Variants in CHCHD4 observed in about 807,000 individuals in gnomAD.
The protein encoded by CHCHD4 is coiled-coil-helix-coiled-coil-helix domain containing 4.
A neutral mutation model predicts 12.4 loss-of-function variants in CHCHD4; 7 were observed. The ratio of observed to expected loss-of-function variants is 0.57; its 90% CI spans 0.32 to 1.06. The LOEUF is 1.06. Ranked by LOEUF, CHCHD4 falls within the 50% of genes least tolerant of loss-of-function variation. The pLI is 0.04. For synonymous variants in CHCHD4, 56 were observed against 58.0 expected, an observed-to-expected ratio of 0.97 and a Z score of 0.16; for missense variants, 143 against 175.1, an observed-to-expected ratio of 0.82 and a Z score of 1.03.
At chr3:14,121,784 C>G in intron 1 of CHCHD4, 20 of 1,502,006 alleles carry the variant, frequency 1.3e-5, no homozygotes, top group Non-Finnish European at 1.7e-5. Flanking sequence ...TAAGGACTTT[C>G]ATGTTTAGAA....
intron 1 of CHCHD4, among the ~76,000 whole-genome samples, chr3:14,124,086 G>A (rs906875548): frequency 5.3e-5 from 8 of 152,200 alleles, no homozygotes; most frequent in Non-Finnish European, 7.3e-5. Flanking sequence ...CAACAACAGA[G>A]CCTGACTTAC....
At chr3:14,124,570 C>T in intron 1 of CHCHD4, 85 bp downstream of exon 1, 10 of 1,320,230 alleles carry the variant, frequency 7.6e-6, no homozygotes, top group Non-Finnish European at 9.9e-6. Context: ...GTGGCCCGCG[C>T]CCGGCGTGGT....
At chr3:14,115,647 G>A (rs1472211532) in intron 2 of CHCHD4, among the ~76,000 whole-genome samples, 1 of 152,206 alleles carries the variant, frequency 6.6e-6, no homozygotes, top group Non-Finnish European at 1.5e-5. Context: ...ACACACATCA[G>A]TTAGCATTTG....
rs775126743 is a variant in CHCHD4, at chr3:14,112,930, G to T, written c.386C>A (p.Pro129His). 6.2e-7 allele frequency: 1 copy of T among 1,612,856 alleles called. No individual in the cohort carries two copies. The highest frequency in any genetic ancestry group is 8.5e-7 in the Non-Finnish European group (1 of 1,179,546). ...TTCTTTGGTTGCAGTGGCCTCAATG[G>T]GAGCTGTTTCTTCTGCTTGTTCTGC... ...KPAEQAEETA[P>H]IEATATKEEE... The change falls in exon 3 of 3, where the codon CCC becomes CAC. Residue 129 changes from proline to histidine, a missense_variant. Pro to His is a moderately conservative substitution (Grantham distance 77, BLOSUM62 -2). Transcript: ENST00000396914.
Position 14,124,809 on chromosome 3 carries a change from C to T in CHCHD4, c.-133G>A. On this transcript the variant is annotated 5_prime_UTR_variant, in exon 1 of 3. Transcript: ENST00000396914. Reference sequence around the variant, plus strand: ...GCGGACCCGCCCCCTCCCAGGCCTGCCCGCCGCGCGCCTGCCTCGGCGCCC... The same window carrying T: ...GCGGACCCGCCCCCTCCCAGGCCTGTCCGCCGCGCGCCTGCCTCGGCGCCC... The T allele has an allele frequency of 9.0e-7, 1 of 1,106,082 alleles. No individual in the cohort carries two copies. Among genetic ancestry groups the T allele is most frequent in the African/African-American group, 1.6e-5 (1 of 62,984 alleles). 68.5% of individuals were successfully genotyped at this position (1,106,082 alleles called of 1,614,324 possible). A position where few individuals can be genotyped will look rare whatever the true frequency, so the allele number is the denominator to read the frequency against.
intron 1 of CHCHD4, among the ~76,000 whole-genome samples, chr3:14,119,680 A>G (rs948342975): frequency 9.9e-5 from 15 of 152,242 alleles, no homozygotes; most frequent in African/African-American, 2.2e-4. Flanking sequence ...TTGAATATGC[A>G]TGTTCTGAAG....
chr3:14,119,790 C>T (rs1159593367), intron 1 of CHCHD4, among the ~76,000 whole-genome samples: 1 of 152,152 alleles, frequency 6.6e-6, no homozygotes, highest in Admixed American at 6.6e-5. Context: ...GGCTTAAGCA[C>T]TTCCCACTGT....
chr3:14,116,757 A>G (rs564225925), intron 1 of CHCHD4, among the ~76,000 whole-genome samples: 1 of 152,350 alleles, frequency 6.6e-6, no homozygotes, highest in Admixed American at 6.5e-5. Flanking sequence ...GGGTTGACCC[A>G]CAGGGTTCAG....
Position 14,113,012 on chromosome 3 carries a change from G to C in CHCHD4, c.304C>G (p.Pro102Ala), listed in dbSNP as rs144202459. 6.2e-7 allele frequency: 1 copy of C among 1,613,672 alleles called. No individual in the cohort carries two copies. Among genetic ancestry groups the C allele is most frequent in the African/African-American group, 1.3e-5 (1 of 74,784 alleles). Residue 102 changes from proline to alanine, a missense_variant, in exon 3 of 3, where the codon CCA (proline) becomes GCA (alanine). Pro to Ala is a conservative substitution (Grantham distance 27). Transcript: ENST00000396914. ...TCATCCTCTTGGGGATAGAGGTCTG[G>C]GTATTTCTGCATGCATTCCTGCATG... ...RAMQECMQKYPDLYPQEDEDE... is the reference protein window; with the variant it reads ...RAMQECMQKYADLYPQEDEDE...
rs184230903 is a variant in CHCHD4, at chr3:14,124,507, C to G, written c.22+148G>C. On this transcript the variant is annotated intron_variant, in intron 1 of 2. Transcript: ENST00000396914. Reference sequence around the variant, plus strand: ...TCCGCAAAACAGGAGTAGCGACCCCCCAGCCGGCCCGCCTCCGAGTGTCCC... The same window carrying G: ...TCCGCAAAACAGGAGTAGCGACCCCGCAGCCGGCCCGCCTCCGAGTGTCCC... 1.4e-3 allele frequency: 832 copies of G among 580,348 alleles called. 11 individuals carry two copies. In the African/African-American group the frequency reaches 0.015, roughly 10 times the overall value. The allele number at this position is 580,348 out of a possible 1,614,324, so 35.9% of individuals were successfully genotyped here. A position where few individuals can be genotyped will look rare whatever the true frequency, so the allele number is the denominator to read the frequency against.
intron 1 of CHCHD4, among the ~76,000 whole-genome samples, chr3:14,119,910 C>T (rs765279688): frequency 5.3e-5 from 8 of 152,168 alleles, no homozygotes; most frequent in Admixed American, 5.2e-4. Context: ...CAGCTGGAAT[C>T]CCACTTGACA....
At chr3:14,124,026 G>A (rs1371040277) in intron 1 of CHCHD4, among the ~76,000 whole-genome samples, 2 of 152,218 alleles carry the variant, frequency 1.3e-5, no homozygotes, top group Admixed American at 6.5e-5. Flanking sequence ...TGGCTGAGTG[G>A]CTTTAGCCAT....
chr3:14,115,840 T>C (rs965233958), intron 2 of CHCHD4, among the ~76,000 whole-genome samples: 3 of 152,124 alleles, frequency 2.0e-5, no homozygotes, highest in African/African-American at 7.3e-5. Context: ...CCTCACACGG[T>C]CTGCAGTAGT....
chr3:14,122,148 G>C (rs1225888383), intron 1 of CHCHD4: 1 of 1,497,942 alleles, frequency 6.7e-7, no homozygotes, highest in Admixed American at 2.2e-5. Context: ...ATTGCAAAAG[G>C]TTTTCTTAAG....
intron 1 of CHCHD4, among the ~76,000 whole-genome samples, chr3:14,124,326 C>T (rs1215190592): frequency 2.0e-5 from 3 of 152,212 alleles, no homozygotes; most frequent in Non-Finnish European, 2.9e-5. Context: ...ACCATACATT[C>T]CCAGTTTCGA....
At chr3:14,122,834 T>TA (rs1694950998) in intron 1 of CHCHD4, among the ~76,000 whole-genome samples, 2 of 152,166 alleles carry the variant, frequency 1.3e-5, no homozygotes, top group Admixed American at 1.3e-4. Flanking sequence ...AGCTAAATGT[T>TA]AAAGGATGAG....
At chr3:14,114,634 C>A (rs1007851229) in intron 2 of CHCHD4, among the ~76,000 whole-genome samples, 4 of 152,198 alleles carry the variant, frequency 2.6e-5, no homozygotes, top group African/African-American at 9.6e-5. Flanking sequence ...AAATTACAAC[C>A]CAGTACAAAT....
chr3:14,118,020 A>C (rs990168128), intron 1 of CHCHD4, among the ~76,000 whole-genome samples: 2 of 152,252 alleles, frequency 1.3e-5, no homozygotes, highest in Non-Finnish European at 2.9e-5. Context: ...CTTAGAACCA[A>C]GTGAAATGTT....
chr3:14,118,714 G>C (rs1303295921), intron 1 of CHCHD4, among the ~76,000 whole-genome samples: 2 of 152,226 alleles, frequency 1.3e-5, no homozygotes, highest in Non-Finnish European at 2.9e-5. Flanking sequence ...AAAGCTTTTG[G>C]ACCAGGCAGC....
Sources: gnomAD v4.1 joint callset for allele counts (sites outside exome capture counted in the v4.1 genomes callset) on GRCh38, gnomAD v4.1.1 for gene constraint, MANE v1.5 for transcripts, NCBI Gene and HGNC (gene_info 2026-07-23, HGNC 2026-07-21) for gene names.